Variants in CDC42BPB observed in about 807,000 individuals in gnomAD.
The protein encoded by CDC42BPB is CDC42 binding protein kinase beta.
CDC42BPB carries 37 observed loss-of-function variants against 214.9 expected under a neutral mutation model. That is an observed-to-expected ratio of 0.17 (90% CI 0.13 to 0.23). The LOEUF is 0.23. Among genes scored for constraint, CDC42BPB ranks in the 10% least tolerant of loss-of-function variants. The pLI is 1.00. For synonymous variants in CDC42BPB, 931 were observed against 884.0 expected (o/e 1.05, Z -0.94); for missense variants, 1,694 against 2,227.0 (o/e 0.76, Z 4.82).
intron 1 of CDC42BPB, among the ~76,000 whole-genome samples, chr14:103,050,307 C>T (rs1255822244): frequency 1.3e-5 from 2 of 152,218 alleles, no homozygotes; most frequent in Admixed American, 1.3e-4. Flanking sequence ...TCAAAGCAGG[C>T]ACCTGCAAGG....
rs547647063 is a variant in CDC42BPB at position 102,964,317 on chromosome 14, G to T, written c.2726+185C>A. On this transcript the variant is annotated intron_variant, in intron 19 of 36. Coordinates refer to ENST00000361246, the MANE Select transcript of CDC42BPB (RefSeq NM_006035.4). ...GCCCTGCACCCTCGCGGCCACCTCA[G>T]TGCCAGAACGGCCTGCTATTCGGGG... Among the ~76,000 whole-genome samples, 3 of 152,358 alleles carry T rather than the reference G, an allele frequency of 2.0e-5. No homozygotes were observed. In the East Asian group the frequency reaches 5.8e-4, roughly 29 times the overall value.
intron 19 of CDC42BPB, among the ~76,000 whole-genome samples, chr14:102,964,254 C>T (rs1395656617): frequency 2.6e-5 from 4 of 152,236 alleles, no homozygotes; most frequent in Non-Finnish European, 4.4e-5. Flanking sequence ...CGTCAAAACA[C>T]GGCTCGCACC....
rs779603324 is a variant in CDC42BPB at position 102,946,542 on chromosome 14, A to G, written c.3674T>C (p.Val1225Ala). The G allele has an allele frequency of 1.5e-5, 24 of 1,612,590 alleles. No homozygotes were observed. In the Admixed American group the frequency reaches 4.0e-4, roughly 27 times the overall value. The change falls in exon 28 of 37, where the codon GTC becomes GCC. Residue 1225 changes from valine to alanine, a missense_variant. By Grantham distance (64) the Val-to-Ala change is moderately conservative. Coordinates refer to ENST00000361246, the MANE Select transcript of CDC42BPB (RefSeq NM_006035.4). ...GTAGGCTTCCAAGGGAACATGCACGACCTGATTCCTCAGCCGGTTTTTATG... is the reference window on the plus strand; with the variant it reads ...GTAGGCTTCCAAGGGAACATGCACGGCCTGATTCCTCAGCCGGTTTTTATG... Reference protein sequence around the residue: ...ILHKNRLRNQVVHVPLEAYDS... With the variant: ...ILHKNRLRNQAVHVPLEAYDS...
intron 2 of CDC42BPB, among the ~76,000 whole-genome samples, chr14:103,009,762 C>T (rs1386284219): frequency 6.6e-6 from 1 of 152,244 alleles, no homozygotes; most frequent in Non-Finnish European, 1.5e-5. Flanking sequence ...GCCCTGCTCA[C>T]CTCCAAAGCC....
chr14:103,040,728 G>C (rs532178754), intron 1 of CDC42BPB, among the ~76,000 whole-genome samples: 42 of 152,290 alleles, frequency 2.8e-4, no homozygotes, highest in African/African-American at 9.6e-4. Context: ...AAAGTGTTGG[G>C]ATTACAGGCG....
chr14:102,983,366 C>T (rs573180311), intron 7 of CDC42BPB, among the ~76,000 whole-genome samples, 190 bp downstream of exon 7: 1 of 152,188 alleles, frequency 6.6e-6, no homozygotes, highest in African/African-American at 2.4e-5. Flanking sequence ...TCTCCTGGTG[C>T]CGACCCCGCC....
chr14:103,040,961 A>T (rs1375254235), intron 1 of CDC42BPB, among the ~76,000 whole-genome samples: 1 of 152,240 alleles, frequency 6.6e-6, no homozygotes, highest in African/African-American at 2.4e-5. Context: ...GAACTTAGAA[A>T]GAATTGTCAA....
intron 36 of CDC42BPB, chr14:102,934,095 G>A: frequency 8.7e-7 from 1 of 1,153,382 alleles, no homozygotes; most frequent in Non-Finnish European, 1.1e-6. Flanking sequence ...CAGCAACTCT[G>A]TAGTGAAGAA....
intron 12 of CDC42BPB, chr14:102,972,388 C>G (rs1232780737): frequency 1.1e-5 from 10 of 937,646 alleles, no homozygotes; most frequent in Non-Finnish European, 1.3e-5. Flanking sequence ...CAACTGCACA[C>G]CAAGAAAGGC....
At chr14:102,954,853 C>T in intron 21 of CDC42BPB, 165 bp from the exon 22 acceptor site, 5 of 982,074 alleles carry the variant, frequency 5.1e-6, no homozygotes, top group Non-Finnish European at 6.0e-6. Flanking sequence ...TCACAGACCC[C>T]TGCTCCACTC....
chr14:103,041,570 G>C, intron 1 of CDC42BPB: 1 of 1,162,282 alleles, frequency 8.6e-7, no homozygotes, highest in Admixed American at 2.0e-5. Context: ...ATCCGCAGAT[G>C]CAAGGCCGGG....
At chr14:103,020,738 G>A (rs1002046941) in intron 1 of CDC42BPB, among the ~76,000 whole-genome samples, 1 of 152,238 alleles carries the variant, frequency 6.6e-6, no homozygotes, top group Non-Finnish European at 1.5e-5. Flanking sequence ...GAATGCAGGC[G>A]CCTTCACAGG....
chr14:102,968,351 C>G lies in CDC42BPB; in HGVS notation c.2248G>C (p.Glu750Gln). Residue 750 changes from glutamate (E) to glutamine (Q), a missense_variant, in exon 16 of 37, where the codon GAG becomes CAG. Coordinates refer to ENST00000361246, the MANE Select transcript of CDC42BPB (RefSeq NM_006035.4). ...ATTGTACCTACTGCCTCCTCCATCT[C>G]GTTATGCCTGCCAAGGTGAGCGAGA... is the stretch of plus-strand genomic sequence containing the variant. ...LEKSKRERHN[E>Q]MEEAVGTIKD... 3 of 1,614,002 alleles carry G rather than the reference C, an allele frequency of 1.9e-6. No homozygotes were observed. Among genetic ancestry groups the G allele is most frequent in the Non-Finnish European group, 2.5e-6 (3 of 1,179,950 alleles).
At chr14:103,012,869 G>A (rs1886235506) in intron 1 of CDC42BPB, among the ~76,000 whole-genome samples, 1 of 152,146 alleles carries the variant, frequency 6.6e-6, no homozygotes, top group African/African-American at 2.4e-5. Flanking sequence ...TACAGTGTTC[G>A]GAACTGTCGC....
At chr14:103,021,033 T>C (rs1886742178) in intron 1 of CDC42BPB, among the ~76,000 whole-genome samples, 1 of 152,190 alleles carries the variant, frequency 6.6e-6, no homozygotes, top group Admixed American at 6.5e-5. Context: ...TACAGTTCTC[T>C]AAATAGGAGC....
At chr14:103,046,996 T>C (rs1359676996) in intron 1 of CDC42BPB, among the ~76,000 whole-genome samples, 1 of 151,412 alleles carries the variant, frequency 6.6e-6, no homozygotes, top group Non-Finnish European at 1.5e-5. Context: ...CATTTTTAAG[T>C]GTTCTTGGCT....
chr14:103,004,266 G>A lies in CDC42BPB; in HGVS notation c.352-243C>T, dbSNP rs528532917. 1.2e-4 allele frequency: 122 copies of A among 1,011,838 alleles called. No homozygotes were observed. The African/African-American group carries it at 1.8e-3, about 15-fold the overall frequency. 62.7% of individuals were successfully genotyped at this position (1,011,838 alleles called of 1,614,324 possible). A position where few individuals can be genotyped will look rare whatever the true frequency, so the allele number is the denominator to read the frequency against. ...GCACTTGCACCCTGCTGTCCCACGG[G>A]CACCATTTCTGTGGCTGACACTTAG... On this transcript the variant is annotated intron_variant, in intron 3 of 36. Coordinates refer to ENST00000361246, the MANE Select transcript of CDC42BPB (RefSeq NM_006035.4). The surrounding 1 kb of genome is among the most constrained non-coding windows in gnomAD (Gnocchi z 5.3).
chr14:103,024,122 CA>C (rs1344855941), intron 1 of CDC42BPB, among the ~76,000 whole-genome samples: 1 of 152,228 alleles, frequency 6.6e-6, no homozygotes, highest in Non-Finnish European at 1.5e-5. Context: ...CCACACACTC[CA>C]AACTGGGCTG....
chr14:102,999,927 T>G (rs1894904160), intron 4 of CDC42BPB: 2 of 984,210 alleles, frequency 2.0e-6, no homozygotes, highest in Non-Finnish European at 2.4e-6. Flanking sequence ...TGGCAGAGAG[T>G]GGACTTCAGT....
Sources: gnomAD v4.1 joint callset for allele counts (sites outside exome capture counted in the v4.1 genomes callset) on GRCh38, gnomAD v4.1.1 for gene constraint, Gnocchi (gnomAD v3.1) non-coding constraint, MANE v1.5 for transcripts, NCBI Gene and HGNC (gene_info 2026-07-23, HGNC 2026-07-21) for gene names.